Variants in CASP8 observed in about 807,000 individuals in gnomAD.
The protein encoded by CASP8 is caspase-8.
In CASP8, 24 loss-of-function variants were observed where a neutral mutation model predicts 46.3. That is an observed-to-expected ratio of 0.52 (90% CI 0.38 to 0.73). The LOEUF (loss-of-function observed/expected upper bound fraction) is 0.73. Among genes scored for constraint, CASP8 ranks in the 30% least tolerant of loss-of-function variants. The probability of loss-of-function intolerance (pLI) is 0.00; values close to 1 mark genes in which losing one functional copy is unlikely to be tolerated. For synonymous variants in CASP8, 188 were observed against 200.4 expected, an observed-to-expected ratio of 0.94 and a Z score of 0.52; for missense variants, 460 against 559.0, an observed-to-expected ratio of 0.82 and a Z score of 1.79.
chr2:201,256,569 C>T (rs181388302), upstream of CASP8, among the ~76,000 whole-genome samples: 3 of 152,312 alleles, frequency 2.0e-5, no homozygotes, highest in Non-Finnish European at 4.4e-5. Flanking sequence ...CTCTTCCATC[C>T]ACATGATTCA....
chr2:201,253,814 G>A (rs888504180), intron 2 of CASP8, among the ~76,000 whole-genome samples: 6 of 152,036 alleles, frequency 3.9e-5, no homozygotes, highest in East Asian at 1.9e-4. Flanking sequence ...CAGGCGCAGC[G>A]GCTCACAGCT....
At chr2:201,243,938 AG>A (rs1946405573) in intron 2 of CASP8, among the ~76,000 whole-genome samples, 1 of 152,204 alleles carries the variant, frequency 6.6e-6, no homozygotes, top group Non-Finnish European at 1.5e-5. Context: ...TTGGCCTGCC[AG>A]GTAAAGCCTT....
At chr2:201,277,053 C>T in intron 7 of CASP8, 85 bp downstream of exon 7, 1 of 914,532 alleles carries the variant, frequency 1.1e-6, no homozygotes, top group Admixed American at 2.0e-5. Flanking sequence ...AAAAGCTATA[C>T]CAAAAGGGCC....
chr2:201,267,040 C>T (rs1271314251), intron 2 of CASP8, among the ~76,000 whole-genome samples: 1 of 151,746 alleles, frequency 6.6e-6, no homozygotes, highest in African/African-American at 2.4e-5. Context: ...TTCAGTATCA[C>T]TTGGGAGGCT....
chr2:201,256,908 G>A (rs1290629822), upstream of CASP8, among the ~76,000 whole-genome samples: 1 of 152,216 alleles, frequency 6.6e-6, no homozygotes, highest in African/African-American at 2.4e-5. Context: ...CACTCTGCCA[G>A]GCCGAGGCGG....
chr2:201,278,307 G>A (rs1948777679), intron 7 of CASP8: 1 of 152,180 alleles, frequency 6.6e-6, no homozygotes, highest in South Asian at 2.1e-4. Flanking sequence ...AAAAGTAGGA[G>A]ACCCAGCTGC....
rs530018559 is a variant in CASP8 at position 201,238,996 on chromosome 2, CT to C, written c.-27+4885del. On this transcript the variant is annotated intron_variant, in intron 2 of 6. Coordinates refer to the CASP8 transcript ENST00000264274. ...TAAGGAGCATGCTGCCTTCAAGCAT[CT>C]GTTTAACAAAGCACATCTTGCACCG... is the stretch of plus-strand genomic sequence containing the variant. Among the ~76,000 whole-genome samples, 144 of 152,184 alleles carry C rather than the reference CT, an allele frequency of 9.5e-4. 1 individual carries two copies. Among genetic ancestry groups the C allele is most frequent in the African/African-American group, 3.3e-3 (138 of 41,510 alleles).
chr2:201,241,934 G>A (rs895284619), intron 2 of CASP8: 1 of 152,110 alleles, frequency 6.6e-6, no homozygotes, highest in South Asian at 2.1e-4. Context: ...CCTATTAACA[G>A]GGCAAAGATA....
intron 7 of CASP8, among the ~76,000 whole-genome samples, chr2:201,279,326 C>A (rs1948849877): frequency 6.6e-6 from 1 of 152,192 alleles, no homozygotes; most frequent in African/African-American, 2.4e-5. Context: ...GCAAAGGAAG[C>A]AATGAAGCAT....
At chr2:201,258,309 C>A (rs748514005), upstream of CASP8, 21 of 1,613,982 alleles carry the variant, frequency 1.3e-5, no homozygotes, top group Non-Finnish European at 1.5e-5. Context: ...CCACCCCCTT[C>A]CCTGCTGAGC....
chr2:201,284,687 AGGGAGACG>A (rs1559373788), intron 7 of CASP8, 121 bp from the exon 8 acceptor site: 28 of 720,734 alleles, frequency 3.9e-5, no homozygotes, highest in African/African-American at 1.3e-4. Context: ...GGAGAGGGAG[AGGGAGACG>A]GGGAGAGGGA....
rs1948681521 is a variant in CASP8, at chr2:201,277,054, CA to C, written c.802+90del. The C allele has an allele frequency of 1.3e-5, 12 of 913,044 alleles. No homozygotes were observed. The Admixed American group carries it at 2.0e-4, about 15-fold the overall frequency. 56.6% of individuals were successfully genotyped at this position (913,044 alleles called of 1,614,324 possible). On this transcript the variant is annotated intron_variant, in intron 7 of 8. Transcript: ENST00000673742. ...AAAAGGGAGAGAACAAAAGCTATAC[CA>C]AAAGGGCCATGTTTCAAGAAAATGG...
rs752967014 is a variant in CASP8, at chr2:201,285,214, C to T, written c.1201C>T (p.Leu401=). ...RYIPDEADFL[L]GMATVNNCVS... ...TATCCCGGATGAGGCTGACTTTCTG[C>T]TGGGGATGGCCACTGTGAATAACTG... Residue 401 remains leucine (L), a synonymous_variant, in exon 8 of 9, where the codon CTG becomes TTG. Transcript: ENST00000673742. 3 of 1,614,206 alleles carry T rather than the reference C, an allele frequency of 1.9e-6. No individual in the cohort carries two copies. The highest frequency in any genetic ancestry group is 2.5e-6 in the Non-Finnish European group (3 of 1,180,034).
intron 2 of CASP8, among the ~76,000 whole-genome samples, chr2:201,245,811 C>T (rs1297313788): frequency 2.0e-5 from 3 of 152,048 alleles, no homozygotes; most frequent in African/African-American, 7.3e-5. Flanking sequence ...CCTTTCCTGG[C>T]CCTTTGGCCA....
At chr2:201,274,520 G>A (rs887764377) in intron 5 of CASP8, among the ~76,000 whole-genome samples, 2 of 152,108 alleles carry the variant, frequency 1.3e-5, no homozygotes, top group African/African-American at 4.8e-5. Context: ...TGTTGCCCAG[G>A]CTGGAGTGCA....
At chr2:201,246,107 G>A (rs983216571) in intron 2 of CASP8, among the ~76,000 whole-genome samples, 10 of 152,102 alleles carry the variant, frequency 6.6e-5, no homozygotes, top group Non-Finnish European at 1.3e-4. Context: ...CAGGTGATCT[G>A]CCTGCCTTGG....
At chr2:201,267,904 T>G (rs1447538731) in intron 2 of CASP8, among the ~76,000 whole-genome samples, 2 of 152,222 alleles carry the variant, frequency 1.3e-5, no homozygotes, top group Admixed American at 1.3e-4. Context: ...ATTTTTTGTT[T>G]TGAGGCTTGA....
chr2:201,284,551 C>T (rs1949421982), intron 7 of CASP8, among the ~76,000 whole-genome samples: 1 of 70,424 alleles, frequency 1.4e-5, no homozygotes, highest in South Asian at 9.0e-4. Context: ...GCGGCGCGCG[C>T]CTGCAATCGC....
chr2:201,273,201 G>A (rs1948404292), intron 5 of CASP8, among the ~76,000 whole-genome samples: 1 of 152,078 alleles, frequency 6.6e-6, no homozygotes, highest in Non-Finnish European at 1.5e-5. Flanking sequence ...GGGATTACAG[G>A]TGCGTGCACC....
Sources: allele counts gnomAD v4.1 joint callset (sites outside exome capture counted in the v4.1 genomes callset), GRCh38; gene constraint gnomAD v4.1.1; transcripts MANE v1.5; gene names NCBI Gene and HGNC (gene_info 2026-07-23, HGNC 2026-07-21).